S100A4: variants seen among roughly 807,000 people sequenced by gnomAD.
S100A4 encodes the protein protein S100-A4.
A neutral mutation model predicts 6.3 loss-of-function variants in S100A4; 4 were observed. That is an observed-to-expected ratio of 0.64 (90% CI 0.31 to 1.46). The LOEUF is 1.46. S100A4 is among the 40% of genes most tolerant of loss of function. The pLI, the probability that S100A4 is intolerant of heterozygous loss-of-function variation, is 0.07. For synonymous variants in S100A4, 44 were observed against 47.6 expected, an observed-to-expected ratio of 0.92 and a Z score of 0.32; for missense variants, 108 against 120.8, an observed-to-expected ratio of 0.89 and a Z score of 0.50.
Position 153,544,726 on chromosome 1 carries a change from C to G in S100A4, c.69G>C (p.Glu23Asp), listed in dbSNP as rs1192501706. The G allele has an allele frequency of 1.2e-6, 2 of 1,614,138 alleles. No individual in the cohort carries two copies. The highest frequency in any genetic ancestry group is 2.7e-5 in the African/African-American group (2 of 74,938). ...ACTTGTTGAGCTTGAACTTGTCACC[C>G]TCTTTGCCCGAGTACTTGTGGAAGG... ...VSTFHKYSGK[E>D]GDKFKLNKSE... is the part of the protein sequence containing the mutation. Residue 23 changes from glutamate to aspartate, a missense_variant, in exon 2 of 3, where the codon GAG (glutamate) becomes GAC (aspartate). Coordinates refer to ENST00000368716, the MANE Select transcript of S100A4 (RefSeq NM_002961.3).
chr1:153,544,321 G>C (rs1371621624), intron 2 of S100A4, among the ~76,000 whole-genome samples: 1 of 152,186 alleles, frequency 6.6e-6, no homozygotes, highest in Non-Finnish European at 1.5e-5. Context: ...AACTCAAACA[G>C]TGTCCACTGT....
intron 2 of S100A4, 130 bp downstream of exon 2, chr1:153,544,524 A>G: frequency 1.7e-6 from 2 of 1,180,604 alleles, no homozygotes; most frequent in Non-Finnish European, 2.4e-6. Flanking sequence ...GTGGTGTTCA[A>G]TGTGTTTCCA....
intron 2 of S100A4, among the ~76,000 whole-genome samples, chr1:153,544,258 C>T (rs745843777): frequency 2.0e-5 from 3 of 152,232 alleles, no homozygotes; most frequent in Non-Finnish European, 4.4e-5. Flanking sequence ...GGAACGTCTG[C>T]AGGCCTGTGA....
At position 153,543,734 on chromosome 1, in the gene S100A4, C is replaced by A. The variant is rs771748042; in HGVS notation, c.*25G>T. On this transcript the variant is annotated 3_prime_UTR_variant, in exon 3 of 3. Coordinates refer to ENST00000368716, the MANE Select transcript of S100A4 (RefSeq NM_002961.3). ...GACAGGGAGGGCCCCAGCTGGCAGACCCCCCAACCACATCAGAGGAGTTTT... is the reference window on the plus strand; with the variant it reads ...GACAGGGAGGGCCCCAGCTGGCAGAACCCCCAACCACATCAGAGGAGTTTT... 20 of 1,606,290 alleles carry A rather than the reference C, an allele frequency of 1.2e-5. No homozygotes were observed. The East Asian group carries it at 2.0e-4, about 16-fold the overall frequency.
rs1368936168 is a variant in S100A4, at chr1:153,544,687, C to G, written c.108G>C (p.Glu36Asp). ...KFKLNKSELK[E>D]LLTRELPSFL... ...AGCTGGGCAGCTCCCGGGTCAGCAG[C>G]TCCTTTAGTTCTGACTTGTTGAGCT... is the stretch of plus-strand genomic sequence containing the variant. Residue 36 changes from glutamate to aspartate, a missense_variant, in exon 2 of 3, where the codon GAG becomes GAC. Glu to Asp is a conservative substitution (Grantham distance 45, BLOSUM62 2). Coordinates refer to ENST00000368716, the MANE Select transcript of S100A4 (RefSeq NM_002961.3). The G allele has an allele frequency of 6.8e-6, 11 of 1,614,114 alleles. No homozygotes were observed. Among genetic ancestry groups the G allele is most frequent in the Non-Finnish European group, 8.5e-7 (1 of 1,180,028 alleles).
intron 1 of S100A4, chr1:153,545,166 T>G: frequency 4.7e-6 from 1 of 212,452 alleles, no homozygotes. Flanking sequence ...TTCTTTTCCC[T>G]CCCAGAACTG....
intron 1 of S100A4, 172 bp from the exon 2 acceptor site, chr1:153,544,981 G>C: frequency 1.5e-6 from 1 of 688,016 alleles, no homozygotes; most frequent in Non-Finnish European, 2.4e-6. Context: ...TGTGCACAGT[G>C]GGGAACACAT....
At position 153,543,998 on chromosome 1, in the gene S100A4, C is replaced by G. The variant is rs908617678; in HGVS notation, c.142-75G>C. On this transcript the variant is annotated intron_variant, in intron 2 of 2. Coordinates refer to ENST00000368716, the MANE Select transcript of S100A4 (RefSeq NM_002961.3). ...GCCAGGACCAGACCCAGTTTCTACT[C>G]CCAGACCAGAGTTCAGGGAGGCTCC... 5 of 1,538,034 alleles carry G rather than the reference C, an allele frequency of 3.3e-6. No homozygotes were observed. The African/African-American group carries it at 6.9e-5, about 21-fold the overall frequency.
At chr1:153,544,459 G>A (rs1665492489) in intron 2 of S100A4, among the ~76,000 whole-genome samples, 195 bp downstream of exon 2, 1 of 152,236 alleles carries the variant, frequency 6.6e-6, no homozygotes, top group Non-Finnish European at 1.5e-5. Flanking sequence ...GCACCTGGCA[G>A]TGTCTGACCC....
At position 153,544,736 on chromosome 1, in the gene S100A4, G is replaced by A. The variant is rs747430747; in HGVS notation, c.59C>T (p.Ser20Leu). 9.3e-6 allele frequency: 15 copies of A among 1,614,116 alleles called. No homozygotes were observed. The highest frequency in any genetic ancestry group is 1.6e-4 in the Middle Eastern group (1 of 6,084). ...CTTGAACTTGTCACCCTCTTTGCCCGAGTACTTGTGGAAGGTGGACACCAT... is the reference window on the plus strand; with the variant it reads ...CTTGAACTTGTCACCCTCTTTGCCCAAGTACTTGTGGAAGGTGGACACCAT... ...DVMVSTFHKY[S>L]GKEGDKFKLN... Residue 20 changes from serine (S) to leucine (L), a missense_variant, in exon 2 of 3, where the codon TCG (serine) becomes TTG (leucine). Physicochemically the swap from Ser to Leu is moderately radical, Grantham distance 145 (BLOSUM62 -2). Transcript: ENST00000368716.
chr1:153,543,681 G>T lies in S100A4; in HGVS notation c.*78C>A. 1 of 1,400,122 alleles carries T rather than the reference G, an allele frequency of 7.1e-7. No individual in the cohort carries two copies. Among genetic ancestry groups the T allele is most frequent in the Non-Finnish European group, 9.9e-7 (1 of 1,009,014 alleles). 86.7% of individuals were successfully genotyped at this position (1,400,122 alleles called of 1,614,324 possible). On this transcript the variant is annotated 3_prime_UTR_variant, in exon 3 of 3. Coordinates refer to ENST00000368716, the MANE Select transcript of S100A4 (RefSeq NM_002961.3). ...ATCAAGCACGTGTCTGAAGGAGCCA[G>T]GGTGGAAAAAAAAAAGTGCCCACTG...
chr1:153,544,834 G>A (rs747528954), intron 1 of S100A4, 25 bp from the exon 2 acceptor site: 79 of 1,613,102 alleles, frequency 4.9e-5, no homozygotes, highest in East Asian at 2.2e-4. Context: ...CACAGAGACC[G>A]TCTTATTAAT....
chr1:153,544,307 T>C (rs1005961597), intron 2 of S100A4, among the ~76,000 whole-genome samples: 1 of 152,184 alleles, frequency 6.6e-6, no homozygotes, highest in Non-Finnish European at 1.5e-5. Flanking sequence ...ACAAGCCAAA[T>C]AGAAACTCAA....
At chr1:153,544,873 C>T (rs923882260) in intron 1 of S100A4, 64 bp from the exon 2 acceptor site, 4 of 1,583,072 alleles carry the variant, frequency 2.5e-6, no homozygotes, top group African/African-American at 1.3e-5. Flanking sequence ...GTTCAGAATG[C>T]CAGGCTCCAC....
chr1:153,545,008 A>C, intron 1 of S100A4, 199 bp from the exon 2 acceptor site: 1 of 570,940 alleles, frequency 1.8e-6, no homozygotes, highest in South Asian at 2.4e-5. Flanking sequence ...GGCAGTGAAC[A>C]TTTGCAAGAT....
intron 1 of S100A4, 40 bp from the exon 2 acceptor site, chr1:153,544,849 C>A: frequency 6.2e-7 from 1 of 1,610,752 alleles, no homozygotes; most frequent in Non-Finnish European, 8.5e-7. Context: ...ATTAATCCCA[C>A]CCCTCAGAGA....
intron 1 of S100A4, 79 bp from the exon 2 acceptor site, chr1:153,544,888 A>T: frequency 1.9e-6 from 3 of 1,555,422 alleles, no homozygotes; most frequent in East Asian, 2.3e-5. Flanking sequence ...CTCCACTCCC[A>T]TCCCTCCAGG....
intron 1 of S100A4, chr1:153,545,026 G>A (rs1393399050): frequency 1.1e-5 from 6 of 523,300 alleles, no homozygotes; most frequent in Admixed American, 6.4e-5. Context: ...GATCCGCTGC[G>A]CAAGCTCTGG....
intron 2 of S100A4, among the ~76,000 whole-genome samples, chr1:153,544,287 C>T (rs1665484988): frequency 6.6e-6 from 1 of 152,216 alleles, no homozygotes; most frequent in African/African-American, 2.4e-5. Context: ...ACATCTGTGT[C>T]TTCACATCTA....
Sources: allele counts gnomAD v4.1 joint callset (sites outside exome capture counted in the v4.1 genomes callset), GRCh38; gene constraint gnomAD v4.1.1; transcripts MANE v1.5; gene names NCBI Gene and HGNC (gene_info 2026-07-23, HGNC 2026-07-21).